The following FBXW7 variants were observed in gnomAD, a reference collection of about 807,000 sequenced individuals.
FBXW7 encodes the protein F-box/WD repeat-containing protein 7.
In FBXW7, 11 loss-of-function variants were observed where a neutral mutation model predicts 86.3. The ratio of observed to expected loss-of-function variants is 0.13; its 90% CI spans 0.08 to 0.21. FBXW7 has a LOEUF of 0.21. FBXW7 is among the 10% of genes least tolerant of loss of function. The probability of loss-of-function intolerance (pLI) is 1.00; values close to 1 mark genes in which losing one functional copy is unlikely to be tolerated. For synonymous variants in FBXW7, 313 were observed against 297.9 expected (o/e 1.05, Z -0.52); for missense variants, 488 against 847.4 (o/e 0.58, Z 5.27).
At chr4:152,525,376 G>A (rs1031626265) in intron 2 of FBXW7, among the ~76,000 whole-genome samples, 2 of 152,116 alleles carry the variant, frequency 1.3e-5, no homozygotes, top group Admixed American at 6.5e-5. Context: ...CACATGTCAC[G>A]AGGGTGTGCT....
At chr4:152,376,246 G>C (rs971825400) in intron 4 of FBXW7, among the ~76,000 whole-genome samples, 2 of 152,020 alleles carry the variant, frequency 1.3e-5, no homozygotes, top group African/African-American at 2.4e-5. Context: ...ATTGAACTCA[G>C]ACTTTGGAGG....
At chr4:152,515,082 C>G (rs1336194539) in intron 2 of FBXW7, among the ~76,000 whole-genome samples, 2 of 152,096 alleles carry the variant, frequency 1.3e-5, no homozygotes, top group Non-Finnish European at 2.9e-5. Flanking sequence ...TTAGGCAAAA[C>G]AGAGGTCAAG....
chr4:152,490,624 T>C (rs1002079078), intron 2 of FBXW7, among the ~76,000 whole-genome samples: 3 of 152,086 alleles, frequency 2.0e-5, no homozygotes, highest in Non-Finnish European at 4.4e-5. Context: ...AGCAGCAGCA[T>C]AAGTTAAAAA....
At chr4:152,459,942 T>C (rs1302807902) in intron 2 of FBXW7, among the ~76,000 whole-genome samples, 1 of 152,068 alleles carries the variant, frequency 6.6e-6, no homozygotes, top group Non-Finnish European at 1.5e-5. Flanking sequence ...AATAGCCAAA[T>C]TCATAAAGAC....
chr4:152,458,315 G>A (rs1042928226), intron 2 of FBXW7, among the ~76,000 whole-genome samples: 7 of 152,140 alleles, frequency 4.6e-5, no homozygotes, highest in Non-Finnish European at 1.0e-4. Context: ...CACCGCGCCC[G>A]GCCTAAAATA....
chr4:152,328,484 TATTTA>T (rs1729259880), intron 10 of FBXW7, 95 bp from the exon 11 acceptor site: 5 of 808,732 alleles, frequency 6.2e-6, no homozygotes, highest in South Asian at 5.2e-5. Context: ...TAAAGTTACT[TATTTA>T]ATTTGTTTGG....
intron 4 of FBXW7, among the ~76,000 whole-genome samples, chr4:152,402,098 T>C (rs1736987547): frequency 6.6e-6 from 1 of 152,186 alleles, no homozygotes; most frequent in African/African-American, 2.4e-5. Flanking sequence ...TTTGAGGGGC[T>C]GAACAAGTCA....
chr4:152,432,554 C>T (rs923170019), intron 2 of FBXW7, among the ~76,000 whole-genome samples: 1 of 152,144 alleles, frequency 6.6e-6, no homozygotes, highest in African/African-American at 2.4e-5. Flanking sequence ...TGCCTGCAAT[C>T]CCAGCACTTT....
At chr4:152,431,477 C>T (rs995305917) in intron 2 of FBXW7, among the ~76,000 whole-genome samples, 97 of 152,150 alleles carry the variant, frequency 6.4e-4, no homozygotes, top group African/African-American at 2.2e-3. Flanking sequence ...CTGGAATCTC[C>T]TGTTCTCAGG....
intron 4 of FBXW7, among the ~76,000 whole-genome samples, chr4:152,401,477 C>T (rs1424863530): frequency 6.6e-6 from 1 of 152,164 alleles, no homozygotes; most frequent in Non-Finnish European, 1.5e-5. Context: ...ATATGACATT[C>T]TGGAAAAAGC....
At chr4:152,406,064 T>C (rs1737395630) in intron 4 of FBXW7, among the ~76,000 whole-genome samples, 1 of 152,240 alleles carries the variant, frequency 6.6e-6, no homozygotes, top group South Asian at 2.1e-4. Context: ...TTCTTCATAC[T>C]GTCTTCCCTA....
At chr4:152,443,899 T>C (rs960205868) in intron 2 of FBXW7, among the ~76,000 whole-genome samples, 2 of 152,196 alleles carry the variant, frequency 1.3e-5, no homozygotes, top group Non-Finnish European at 2.9e-5. Flanking sequence ...TAAGGTATAG[T>C]AGAAAATTTG....
intron 4 of FBXW7, among the ~76,000 whole-genome samples, chr4:152,356,094 A>C (rs1259874380): frequency 3.3e-5 from 5 of 151,860 alleles, no homozygotes; most frequent in Non-Finnish European, 7.4e-5. Flanking sequence ...CCTCACCTTG[A>C]CTCTCAAGAG....
intron 2 of FBXW7, among the ~76,000 whole-genome samples, chr4:152,414,217 T>G (rs2126890834): frequency 6.6e-6 from 1 of 152,280 alleles, no homozygotes; most frequent in East Asian, 1.9e-4. Flanking sequence ...AGTTTATCTT[T>G]AAGGCAAATT....
chr4:152,528,978 C>G (rs1317100533), intron 2 of FBXW7, among the ~76,000 whole-genome samples: 1 of 151,760 alleles, frequency 6.6e-6, no homozygotes, highest in Non-Finnish European at 1.5e-5. Flanking sequence ...CCCCATTATA[C>G]TTAATGGGGG....
chr4:152,375,408 T>A (rs1734411064), intron 4 of FBXW7, among the ~76,000 whole-genome samples: 1 of 152,050 alleles, frequency 6.6e-6, no homozygotes, highest in Non-Finnish European at 1.5e-5. Flanking sequence ...ATGTGGGTCA[T>A]CTATTTAGAT....
At chr4:152,529,073 T>C (rs1057405904) in intron 2 of FBXW7, among the ~76,000 whole-genome samples, 1 of 152,056 alleles carries the variant, frequency 6.6e-6, no homozygotes, top group African/African-American at 2.4e-5. Context: ...ACAATTCAGT[T>C]ACACTAAAAA....
intron 5 of FBXW7, among the ~76,000 whole-genome samples, chr4:152,347,819 T>C (rs1560787601): frequency 6.6e-6 from 1 of 152,064 alleles, no homozygotes; most frequent in Non-Finnish European, 1.5e-5. Context: ...GACTAGATGA[T>C]CTCTCTAAAA....
At chr4:152,355,314 CTATCT>C (rs978878929) in intron 4 of FBXW7, among the ~76,000 whole-genome samples, 2 of 151,942 alleles carry the variant, frequency 1.3e-5, no homozygotes, top group Non-Finnish European at 2.9e-5. Flanking sequence ...CTGTATTTAT[CTATCT>C]TATCTCTGTG....
Sources: allele counts gnomAD v4.1 joint callset (sites outside exome capture counted in the v4.1 genomes callset), GRCh38; gene constraint gnomAD v4.1.1; transcripts MANE v1.5; gene names NCBI Gene and HGNC (gene_info 2026-07-23, HGNC 2026-07-21).